The following SFPQ variants were observed in gnomAD, a reference collection of about 807,000 sequenced individuals.
SFPQ encodes splicing factor proline and glutamine rich.
A neutral mutation model predicts 72.9 loss-of-function variants in SFPQ; 11 were observed. That is an observed-to-expected ratio of 0.15 (90% confidence interval 0.09 to 0.25). The LOEUF (loss-of-function observed/expected upper bound fraction) is 0.25, where lower values mean the gene tolerates loss of function less well. Among genes scored for constraint, SFPQ ranks in the 10% least tolerant of loss-of-function variants. The pLI, the probability that SFPQ is intolerant of heterozygous loss-of-function variation, is 1.00. For missense variants in SFPQ, 847 were observed against 993.3 expected, an observed-to-expected ratio of 0.85 and a Z score of 1.98; for synonymous variants, 506 against 367.3, an observed-to-expected ratio of 1.38 and a Z score of -4.32.
chr1:35,187,496 C>T (rs968614019), intron 7 of SFPQ, among the ~76,000 whole-genome samples: 1 of 152,100 alleles, frequency 6.6e-6, no homozygotes, highest in Non-Finnish European at 1.5e-5. Context: ...TTTGGAAGGC[C>T]GAGGCAGGCA....
At chr1:35,181,991 C>G (rs1639488414), downstream of SFPQ, 1 of 985,220 alleles carries the variant, frequency 1.0e-6, no homozygotes, top group East Asian at 1.1e-4. Flanking sequence ...TATCAAAAGC[C>G]ACAACTTTCA....
At chr1:35,179,445 C>A (rs1639377971), downstream of SFPQ, 1 of 1,056,322 alleles carries the variant, frequency 9.5e-7, no homozygotes, top group African/African-American at 1.7e-5. Flanking sequence ...TCTGGCATCA[C>A]ACCTCTGAAC....
In SFPQ at chr1:35,192,722, C is replaced by T. The variant is rs772224943; in HGVS notation, c.328G>A (p.Val110Ile). Residue 110 changes from valine to isoleucine, a missense_variant, in exon 1 of 10, where the codon GTC becomes ATC. Val to Ile is a conservative substitution (Grantham distance 29). Coordinates refer to ENST00000357214, the MANE Select transcript of SFPQ (RefSeq NM_005066.3). ...GCGGGGCCGGGTCCCTGAGCAACGA[C>T]GGGCTTGGAAGAGTCCTGCGGCGGT... ...PPPPQDSSKP[V>I]VAQGPGPAPG... 4 of 1,476,628 alleles carry T rather than the reference C, an allele frequency of 2.7e-6. No individual in the cohort carries two copies. In the African/African-American group the frequency reaches 4.4e-5, roughly 16 times the overall value. 91.5% of individuals were successfully genotyped at this position (1,476,628 alleles called of 1,614,324 possible). A position where few individuals can be genotyped will look rare whatever the true frequency, so the allele number is the denominator to read the frequency against.
downstream of SFPQ, chr1:35,182,391 T>C (rs1397819101): frequency 1.0e-6 from 1 of 985,246 alleles, no homozygotes; most frequent in Non-Finnish European, 1.2e-6. Context: ...GTAAAACTAC[T>C]CATATTTCCG....
downstream of SFPQ, chr1:35,182,351 G>A (rs967056470): frequency 8.1e-6 from 8 of 985,054 alleles, no homozygotes; most frequent in Admixed American, 3.7e-4. Flanking sequence ...ACCTGTTTGG[G>A]GACAAAACTT....
chr1:35,181,710 G>GA (rs1017022046), downstream of SFPQ: 30 of 1,060,542 alleles, frequency 2.8e-5, no homozygotes, highest in Admixed American at 5.4e-5. Flanking sequence ...TTCTTTAAAT[G>GA]AAAAAAATGG....
chr1:35,189,821 G>A (rs925232592), intron 4 of SFPQ, among the ~76,000 whole-genome samples: 10 of 151,892 alleles, frequency 6.6e-5, no homozygotes, highest in African/African-American at 2.4e-4. Context: ...ATGGTGGCAG[G>A]CACCTGTAAT....
In SFPQ at chr1:35,187,787, A is replaced by C. The variant is rs906177901; in HGVS notation, c.1815+186T>G. Reference sequence around the variant, plus strand: ...ACAAAACAAAAAAACCAAGAAACAAAACACAAAAAAACTTCCTATTCAATT... The same window carrying C: ...ACAAAACAAAAAAACCAAGAAACAACACACAAAAAAACTTCCTATTCAATT... On this transcript the variant is annotated intron_variant, in intron 7 of 9. Coordinates refer to ENST00000357214, the MANE Select transcript of SFPQ (RefSeq NM_005066.3). 2.6e-5 allele frequency among the ~76,000 whole-genome samples: 4 copies of C among 152,236 alleles called. No individual in the cohort carries two copies. The Middle Eastern group carries it at 0.014, about 518-fold the overall frequency.
At chr1:35,187,796 A>G (rs534909875) in intron 7 of SFPQ, among the ~76,000 whole-genome samples, 177 bp downstream of exon 7, 6 of 152,152 alleles carry the variant, frequency 3.9e-5, no homozygotes, top group Non-Finnish European at 8.8e-5. Flanking sequence ...AAACACAAAA[A>G]AACTTCCTAT....
downstream of SFPQ, chr1:35,178,060 A>G (rs1639319727): frequency 7.8e-7 from 1 of 1,279,682 alleles, no homozygotes; most frequent in African/African-American, 1.5e-5. Flanking sequence ...AGAAAAAGTT[A>G]ATATAAAAGA....
intron 2 of SFPQ, 21 bp downstream of exon 2, chr1:35,191,320 A>G (rs1463529432): frequency 6.2e-7 from 1 of 1,604,998 alleles, no homozygotes; most frequent in Non-Finnish European, 8.5e-7. Context: ...ATTCTACGTA[A>G]AATCAAACAA....
Position 35,192,826 on chromosome 1 carries a change from T to A in SFPQ, c.224A>T (p.Gln75Leu). The change falls in exon 1 of 10, where the codon CAG (glutamine) becomes CTG (leucine). Residue 75 changes from glutamine (Q) to leucine (L), a missense_variant. Coordinates refer to ENST00000357214, the MANE Select transcript of SFPQ (RefSeq NM_005066.3). ...TGGCGGCTGCTGCGGCGGTGGCTGCTGCGGTGGTGGCTGTTGCTGCTGTTG... is the reference window on the plus strand; with the variant it reads ...TGGCGGCTGCTGCGGCGGTGGCTGCAGCGGTGGTGGCTGTTGCTGCTGTTG... ...PHQQQQQPPP[Q>L]QPPPQQPPPH... The A allele has an allele frequency of 1.2e-5, 18 of 1,513,892 alleles. No individual in the cohort carries two copies. Among genetic ancestry groups the A allele is most frequent in the Non-Finnish European group, 1.6e-5 (18 of 1,137,776 alleles). The allele number at this position is 1,513,892 out of a possible 1,614,324, so 93.8% of individuals were successfully genotyped here.
downstream of SFPQ, chr1:35,179,362 A>AC (rs1478659306): frequency 9.5e-7 from 1 of 1,057,690 alleles, no homozygotes; most frequent in African/African-American, 1.6e-5. Context: ...CATGAAGAGC[A>AC]CCCATTGCAT....
chr1:35,188,180 A>G (rs1639817209), intron 6 of SFPQ, 90 bp from the exon 7 acceptor site: 1 of 959,800 alleles, frequency 1.0e-6, no homozygotes, highest in Admixed American at 1.7e-5. Flanking sequence ...CCTAAGAACT[A>G]GGTTAGCACT....
chr1:35,178,820 C>T (rs1356078117), downstream of SFPQ: 5 of 1,049,486 alleles, frequency 4.8e-6, no homozygotes, highest in South Asian at 4.6e-5. Flanking sequence ...GATACTATAT[C>T]GTTTTGCATT....
intron 9 of SFPQ, among the ~76,000 whole-genome samples, chr1:35,186,328 A>G (rs1373740969): frequency 6.6e-6 from 1 of 152,216 alleles, no homozygotes; most frequent in African/African-American, 2.4e-5. Flanking sequence ...CTGACAGGCT[A>G]TATTCACAGC....
At position 35,190,903 on chromosome 1, in the gene SFPQ, A is replaced by G; in HGVS notation, c.1110T>C (p.Ala370=). ...RQLRVRFATH[A]AALSVRNLSP... ...AAAGATTACGAACAGAAAGGGCAGC[A>G]GCATGTGTGGCAAAGCGAACTCGAA... Residue 370 remains alanine, a synonymous_variant, in exon 3 of 10, where the codon GCT becomes GCC. Coordinates refer to ENST00000357214, the MANE Select transcript of SFPQ (RefSeq NM_005066.3). The G allele has an allele frequency of 6.2e-7, 1 of 1,614,226 alleles. No individual in the cohort carries two copies. The highest frequency in any genetic ancestry group is 8.5e-7 in the Non-Finnish European group (1 of 1,180,042).
chr1:35,190,711 A>T lies in SFPQ; in HGVS notation c.1302T>A (p.Gly434=). The T allele has an allele frequency of 6.2e-7, 1 of 1,613,962 alleles. No individual in the cohort carries two copies. Among genetic ancestry groups the T allele is most frequent in the Non-Finnish European group, 8.5e-7 (1 of 1,179,890 alleles). Residue 434 remains glycine, a synonymous_variant, in exon 3 of 10, where the codon GGT becomes GGA. Coordinates refer to ENST00000357214, the MANE Select transcript of SFPQ (RefSeq NM_005066.3). The stretch of plus-strand genomic sequence containing the variant: ...CAACTTACGTCGTCAGTAAGAAAAC[A>T]CCTTCACTGCATCGTTCAAATGCCT... ...ARKAFERCSE[G]VFLLTTTPRP... is the part of the protein sequence containing the mutation.
Position 35,187,122 on chromosome 1 carries a change from T to C in SFPQ, c.1865A>G (p.Asp622Gly). 1.2e-6 allele frequency: 2 copies of C among 1,613,954 alleles called. No homozygotes were observed. The highest frequency in any genetic ancestry group is 2.2e-5 in the East Asian group (1 of 44,870). Residue 622 changes from aspartate to glycine, a missense_variant and splice_region_variant, in exon 9 of 10, where the codon GAT (aspartate) becomes GGT (glycine). By Grantham distance (94) the Asp-to-Gly change is moderately conservative. This residue lies in a region of SFPQ where 154 missense variants were observed against 186.0 expected (regional missense o/e 0.83). Transcript: ENST00000357214. The stretch of plus-strand genomic sequence containing the variant: ...TTTCTGGCCTCCTGAACCATAGGGA[T>C]CTAGAAAACAAAAATAGTGGTTACA... Reference protein sequence around the residue: ...MGGGGAMNMGDPYGSGGQKFP... With the variant: ...MGGGGAMNMGGPYGSGGQKFP...
Sources: gnomAD v4.1 joint callset for allele counts (sites outside exome capture counted in the v4.1 genomes callset) on GRCh38, gnomAD v4.1.1 for gene constraint, gnomAD v4.1.1 regional missense constraint, MANE v1.5 for transcripts, NCBI Gene and HGNC (gene_info 2026-07-23, HGNC 2026-07-21) for gene names.